The following SLC9A7 variants were observed in gnomAD, a reference collection of about 807,000 sequenced individuals.
SLC9A7 encodes solute carrier family 9 member A7, also known as sodium/hydrogen exchanger 7.
SLC9A7 carries 19 observed loss-of-function variants against 52.6 expected under a neutral mutation model. The ratio of observed to expected loss-of-function variants is 0.36; its 90% CI spans 0.25 to 0.53. SLC9A7 has a LOEUF of 0.53. Among genes scored for constraint, SLC9A7 ranks in the 20% least tolerant of loss-of-function variants. SLC9A7 has a pLI of 0.91. For missense variants in SLC9A7, 455 were observed against 597.9 expected (o/e 0.76, Z 2.49); for synonymous variants, 226 against 252.1 (o/e 0.90, Z 0.98).
At chrX:46,667,041 A>G (rs1943933142) in intron 5 of SLC9A7, among the ~76,000 whole-genome samples, 2 of 112,232 alleles carry the variant, frequency 1.8e-5, no homozygotes, top group African/African-American at 3.2e-5. Context: ...TTTTTTAAAC[A>G]TAAGGAAAAC....
intron 16 of SLC9A7, among the ~76,000 whole-genome samples, chrX:46,612,004 G>C (rs1361059288): frequency 1.8e-5 from 2 of 111,664 alleles, no homozygotes; most frequent in Non-Finnish European, 3.8e-5. Context: ...TCTAGGCTTT[G>C]TGTTCTGCCT....
rs781911689 is a variant in SLC9A7 at position 46,758,680 on chromosome X, CG to C, written c.325+24del. 78 of 1,059,762 alleles carry C rather than the reference CG, an allele frequency of 7.4e-5. No homozygotes were observed. In the South Asian group the frequency reaches 1.9e-3, roughly 25 times the overall value. The allele number at this position is 1,059,762 out of a possible 1,213,427, so 87.3% of individuals were successfully genotyped here. A position where few individuals can be genotyped will look rare whatever the true frequency, so the allele number is the denominator to read the frequency against. ...CGCGGCGGCCGAGGGGTGTGGAGGGCGGGGGGTGTAACAGGGGTGCTCACCA... is the reference window on the plus strand; with the variant it reads ...CGCGGCGGCCGAGGGGTGTGGAGGGCGGGGGTGTAACAGGGGTGCTCACCA... On this transcript the variant is annotated intron_variant, in intron 1 of 16. Transcript: ENST00000616978.
At chrX:46,728,813 A>G (rs1338323495) in intron 1 of SLC9A7, among the ~76,000 whole-genome samples, 1 of 112,769 alleles carries the variant, frequency 8.9e-6, no homozygotes, top group Non-Finnish European at 1.9e-5. Context: ...CAGCAATAAG[A>G]AAGGAACAAA....
rs376251822 is a variant in SLC9A7, at chrX:46,728,196, A to G, written c.325+30509T>C. Among the ~76,000 whole-genome samples, 16 of 112,145 alleles carry G rather than the reference A, an allele frequency of 1.4e-4. No homozygotes were observed. The East Asian group carries it at 1.9e-3, about 14-fold the overall frequency. Reference sequence around the variant, plus strand: ...CAAAAACTTAAAATTTCTGTTCTTCAAAAGACACAGTTCAGGAAATGAAAA... The same window carrying G: ...CAAAAACTTAAAATTTCTGTTCTTCGAAAGACACAGTTCAGGAAATGAAAA... On this transcript the variant is annotated intron_variant, in intron 1 of 16. Coordinates refer to ENST00000616978, the MANE Select transcript of SLC9A7 (RefSeq NM_001257291.2).
intron 3 of SLC9A7, among the ~76,000 whole-genome samples, chrX:46,679,043 A>G (rs1944168940): frequency 9.2e-6 from 1 of 108,801 alleles, no homozygotes; most frequent in Non-Finnish European, 1.9e-5. Flanking sequence ...TGCCCCCACC[A>G]TCCCTATTCA....
chrX:46,654,438 G>C (rs1943636887), intron 7 of SLC9A7, among the ~76,000 whole-genome samples: 2 of 111,479 alleles, frequency 1.8e-5, no homozygotes, highest in African/African-American at 6.5e-5. Flanking sequence ...TGGGTGACTT[G>C]TATGGTATAT....
At chrX:46,627,674 T>C (rs1191540271) in intron 14 of SLC9A7, among the ~76,000 whole-genome samples, 2 of 101,893 alleles carry the variant, frequency 2.0e-5, no homozygotes, top group African/African-American at 7.4e-5. Context: ...AATAAATGAA[T>C]AAATTGATCT....
Position 46,735,646 on chromosome X carries a change from G to A in SLC9A7, c.325+23059C>T, listed in dbSNP as rs765062096. Among the ~76,000 whole-genome samples, 12 of 111,511 alleles carry A rather than the reference G, an allele frequency of 1.1e-4. No homozygotes were observed. The South Asian group carries it at 1.5e-3, about 14-fold the overall frequency. On this transcript the variant is annotated intron_variant, in intron 1 of 16. Transcript: ENST00000616978. Reference sequence around the variant, plus strand: ...TTCTGCCTGAAGAATTTCCTTTAACGTTTCTTGTAGAGTGGGTCTGCTGGC... The same window carrying A: ...TTCTGCCTGAAGAATTTCCTTTAACATTTCTTGTAGAGTGGGTCTGCTGGC...
chrX:46,657,482 C>T (rs1194044736), intron 7 of SLC9A7, among the ~76,000 whole-genome samples: 13 of 110,446 alleles, frequency 1.2e-4, no homozygotes, highest in South Asian at 3.9e-4. Flanking sequence ...AAACCCAACT[C>T]ACGTGCAGAG....
At chrX:46,687,314 C>T (rs1944311249) in intron 1 of SLC9A7, among the ~76,000 whole-genome samples, 1 of 111,979 alleles carries the variant, frequency 8.9e-6, no homozygotes, top group African/African-American at 3.3e-5. Context: ...TAGGTGATCA[C>T]CTGATCAGTG....
chrX:46,741,413 G>A (rs1169622297), intron 1 of SLC9A7, among the ~76,000 whole-genome samples: 1 of 111,735 alleles, frequency 8.9e-6, no homozygotes, highest in African/African-American at 3.2e-5. Context: ...AGATGGTGTG[G>A]TATTGGCAAA....
At chrX:46,630,650 T>G (rs775578904) in intron 14 of SLC9A7, among the ~76,000 whole-genome samples, 2 of 111,982 alleles carry the variant, frequency 1.8e-5, no homozygotes, top group Middle Eastern at 4.6e-3. Context: ...GACAAAATCA[T>G]CCCGACAGCT....
rs757546110 is a variant in SLC9A7, at chrX:46,728,602, T to TA, written c.325+30102dup. Reference sequence around the variant, plus strand: ...ATTGCCAGGTTTTTAAAGTTAAACATACACTCACCATGCAGCCAAGGAATC... The same window carrying TA: ...ATTGCCAGGTTTTTAAAGTTAAACATAACACTCACCATGCAGCCAAGGAATC... On this transcript the variant is annotated intron_variant, in intron 1 of 16. Transcript: ENST00000616978. Among the ~76,000 whole-genome samples the TA allele has an allele frequency of 1.9e-4, 21 of 112,355 alleles. No individual in the cohort carries two copies. In the South Asian group the frequency reaches 7.4e-3, roughly 39 times the overall value.
intron 11 of SLC9A7, chrX:46,646,588 T>C (rs1943496451): frequency 4.4e-6 from 1 of 225,804 alleles, no homozygotes; most frequent in Admixed American, 5.3e-5. Flanking sequence ...GTCTGTCCGC[T>C]GGCCTTTACC....
intron 11 of SLC9A7, chrX:46,646,576 T>C (rs1943496129): frequency 4.8e-6 from 1 of 207,428 alleles, no homozygotes; most frequent in South Asian, 7.7e-5. Context: ...CCGGCGAAAG[T>C]AGTCTGTCCG....
At chrX:46,620,199 T>C (rs1008735992) in intron 15 of SLC9A7, among the ~76,000 whole-genome samples, 4 of 110,912 alleles carry the variant, frequency 3.6e-5, no homozygotes, top group South Asian at 3.8e-4. Context: ...GGTGGGCAGA[T>C]TGCTTGAGCC....
Position 46,635,487 on chromosome X carries a change from G to A in SLC9A7, c.1676+102C>T, listed in dbSNP as rs764356353. On this transcript the variant is annotated intron_variant, in intron 13 of 16. Transcript: ENST00000616978. ...TTACTAAAAGTGGGGGTTGGCACACGCAGGAAGGAAGAGAAAAATAGTGTA... is the reference window on the plus strand; with the variant it reads ...TTACTAAAAGTGGGGGTTGGCACACACAGGAAGGAAGAGAAAAATAGTGTA... 2.4e-4 allele frequency: 155 copies of A among 647,838 alleles called. No homozygotes were observed. The East Asian group carries it at 3.5e-3, about 15-fold the overall frequency. 53.4% of individuals were successfully genotyped at this position (647,838 alleles called of 1,213,427 possible). A position where few individuals can be genotyped will look rare whatever the true frequency, so the allele number is the denominator to read the frequency against.
chrX:46,633,672 T>C (rs907415391), intron 13 of SLC9A7, among the ~76,000 whole-genome samples: 2 of 108,139 alleles, frequency 1.8e-5, no homozygotes. Flanking sequence ...TTTTTTTTTT[T>C]TTTTGGTGAA....
intron 1 of SLC9A7, among the ~76,000 whole-genome samples, chrX:46,755,882 C>T (rs1489175001): frequency 9.3e-6 from 1 of 107,746 alleles, no homozygotes; most frequent in Admixed American, 1.0e-4. Context: ...TATATGGTGA[C>T]CTCTCCCTCC....
Sources: gnomAD v4.1 joint callset for allele counts (sites outside exome capture counted in the v4.1 genomes callset) on GRCh38, gnomAD v4.1.1 for gene constraint, MANE v1.5 for transcripts, NCBI Gene and HGNC (gene_info 2026-07-23, HGNC 2026-07-21) for gene names.